Variants in DICER1 observed in about 807,000 individuals in gnomAD.
DICER1 encodes endoribonuclease Dicer.
In DICER1, 43 loss-of-function variants were observed where a neutral mutation model predicts 194.1. That is an observed-to-expected ratio of 0.22 (90% CI 0.17 to 0.29). The LOEUF (loss-of-function observed/expected upper bound fraction) is 0.29, where lower values mean the gene tolerates loss of function less well. Among genes scored for constraint, DICER1 ranks in the 10% least tolerant of loss-of-function variants. The pLI, the probability that DICER1 is intolerant of heterozygous loss-of-function variation, is 1.00. For synonymous variants in DICER1, 832 were observed against 820.5 expected (o/e 1.01, Z -0.24); for missense variants, 1,608 against 2,317.0 (o/e 0.69, Z 6.28).
At chr14:95,122,870 C>T (rs1179988653) in intron 8 of DICER1, among the ~76,000 whole-genome samples, 2 of 151,930 alleles carry the variant, frequency 1.3e-5, no homozygotes, top group African/African-American at 4.8e-5. Flanking sequence ...TTTCTCGTTA[C>T]TCAAAAAAGT....
In DICER1 at chr14:95,086,781, T is replaced by C; in HGVS notation, c.*3717A>G. The C allele has an allele frequency of 4.3e-6, 1 of 232,530 alleles. No individual in the cohort carries two copies. Among genetic ancestry groups the C allele is most frequent in the Non-Finnish European group, 8.5e-6 (1 of 117,642 alleles). 14.4% of individuals were successfully genotyped at this position (232,530 alleles called of 1,614,324 possible). ...TTAAACATATCTTTAAAACTTTTCA[T>C]GTACAATATAAAATAAAGAAATTTA... On this transcript the variant is annotated 3_prime_UTR_variant, in exon 27 of 27. Transcript: ENST00000343455.
At position 95,129,922 on chromosome 14, in the gene DICER1, T is replaced by A. The variant is rs1410061152; in HGVS notation, c.573+136A>T. 17 of 745,548 alleles carry A rather than the reference T, an allele frequency of 2.3e-5. 1 individual carries two copies. Among genetic ancestry groups the A allele is most frequent in the South Asian group, 8.8e-5 (5 of 56,702 alleles). 46.2% of individuals were successfully genotyped at this position (745,548 alleles called of 1,614,324 possible). ...TAGATTTAAATGAACATTAATTTAA[T>A]ATTCATTCATTCATACACTGCAGCC... On this transcript the variant is annotated intron_variant, in intron 5 of 26. Transcript: ENST00000343455.
At chr14:95,143,235 C>A (rs1775068180) in intron 1 of DICER1, among the ~76,000 whole-genome samples, 1 of 152,156 alleles carries the variant, frequency 6.6e-6, no homozygotes, top group African/African-American at 2.4e-5. Context: ...ATTATTTTAA[C>A]TGCAATCACG....
intron 10 of DICER1, 150 bp downstream of exon 10, chr14:95,116,303 T>G: frequency 1.0e-6 from 1 of 991,106 alleles, no homozygotes; most frequent in Non-Finnish European, 1.5e-6. Context: ...ATTCTCAACT[T>G]CCTTACAATG....
rs1046133536 is a variant in DICER1, at chr14:95,110,766, T to C, written c.2256+551A>G. On this transcript the variant is annotated intron_variant, in intron 14 of 26. Coordinates refer to ENST00000343455, the MANE Select transcript of DICER1 (RefSeq NM_177438.3). ...GAAGTTAGATTTAGAGATGCTTTCATGTGTGAACTCTGCTAGGATGCCCAC... is the reference window on the plus strand; with the variant it reads ...GAAGTTAGATTTAGAGATGCTTTCACGTGTGAACTCTGCTAGGATGCCCAC... Among the ~76,000 whole-genome samples the C allele has an allele frequency of 5.3e-5, 8 of 152,228 alleles. No individual in the cohort carries two copies. The South Asian group carries it at 1.7e-3, about 31-fold the overall frequency.
intron 8 of DICER1, among the ~76,000 whole-genome samples, chr14:95,121,810 C>G (rs1263131496): frequency 3.3e-5 from 5 of 152,026 alleles, no homozygotes; most frequent in Admixed American, 2.6e-4. Flanking sequence ...CTTAGAAACC[C>G]CTATGTAAAT....
At chr14:95,113,011 C>A (rs890760767) in intron 12 of DICER1, 81 bp downstream of exon 12, 15 of 1,435,944 alleles carry the variant, frequency 1.0e-5, no homozygotes, top group Non-Finnish European at 1.5e-5. Flanking sequence ...TTACCTATAA[C>A]TTGCAAGTCT....
intron 1 of DICER1, among the ~76,000 whole-genome samples, chr14:95,154,181 C>T (rs1895693775): frequency 1.3e-5 from 2 of 152,148 alleles, no homozygotes; most frequent in South Asian, 2.1e-4. Flanking sequence ...GAACCAAGAT[C>T]GTAAAAAGGA....
chr14:95,091,496 A>ATT, intron 24 of DICER1, 131 bp from the exon 25 acceptor site: 1 of 835,484 alleles, frequency 1.2e-6, no homozygotes, highest in South Asian at 1.4e-5. Flanking sequence ...CATTTATGGT[A>ATT]TGCCTACTAT....
chr14:95,147,584 G>A (rs888222305), intron 1 of DICER1, among the ~76,000 whole-genome samples: 2 of 152,214 alleles, frequency 1.3e-5, no homozygotes, highest in African/African-American at 4.8e-5. Flanking sequence ...TAAAATTTCT[G>A]TGACCAAATG....
intron 1 of DICER1, among the ~76,000 whole-genome samples, chr14:95,156,659 G>C (rs376368484): frequency 6.6e-6 from 1 of 152,248 alleles, no homozygotes; most frequent in East Asian, 1.9e-4. Context: ...ACATCTGAGG[G>C]GAGAGGCAAA....
At chr14:95,138,986 T>TA (rs1289692370) in intron 1 of DICER1, among the ~76,000 whole-genome samples, 123 of 31,658 alleles carry the variant, frequency 3.9e-3, no homozygotes, top group African/African-American at 0.016. Flanking sequence ...TAAAAATAAA[T>TA]AAAAAAATAA....
rs1060504959 is a variant in DICER1 at position 95,099,918 on chromosome 14, C to T, written c.4068G>A (p.Leu1356=). ...GTCCCTTCTTTTTTCCAAGGCGATA[C>T]AGATTACAGTTGCTGACCTTTAGCA... is the stretch of plus-strand genomic sequence containing the variant. ...MRSKKVSNCN[L]YRLGKKKGLP... Residue 1356 remains leucine (L), a synonymous_variant, in exon 22 of 27, where the codon CTG becomes CTA. Transcript: ENST00000343455. 5 of 1,614,066 alleles carry T rather than the reference C, an allele frequency of 3.1e-6. No homozygotes were observed. Among genetic ancestry groups the T allele is most frequent in the Middle Eastern group, 3.3e-4 (2 of 6,060 alleles).
In DICER1 at chr14:95,090,205, G is replaced by T; in HGVS notation, c.*293C>A. 6.9e-6 allele frequency: 3 copies of T among 436,858 alleles called. No homozygotes were observed. Among genetic ancestry groups the T allele is most frequent in the South Asian group, 2.5e-5 (1 of 40,444 alleles). The allele number at this position is 436,858 out of a possible 1,614,324, so 27.1% of individuals were successfully genotyped here. On this transcript the variant is annotated 3_prime_UTR_variant, in exon 27 of 27. Coordinates refer to ENST00000343455, the MANE Select transcript of DICER1 (RefSeq NM_177438.3). ...AAAAACAAAACCTGTCAATTATTTT[G>T]AGCACTTGCTAAATGTCATCATTAA... is the stretch of plus-strand genomic sequence containing the variant.
intron 8 of DICER1, 56 bp from the exon 9 acceptor site, chr14:95,117,810 T>A: frequency 6.3e-7 from 1 of 1,577,056 alleles, no homozygotes. Flanking sequence ...AATAAACTTT[T>A]GTTTTTAAAG....
At chr14:95,152,751 G>A (rs534973730) in intron 1 of DICER1, among the ~76,000 whole-genome samples, 1 of 152,290 alleles carries the variant, frequency 6.6e-6, no homozygotes, top group South Asian at 2.1e-4. Flanking sequence ...TTTTAGATGA[G>A]GAAGCCATTT....
At position 95,103,844 on chromosome 14, in the gene DICER1, G is replaced by A. The variant is rs375535900; in HGVS notation, c.3552C>T (p.Leu1184=). ...AINGLSYNQN[L]ANGSYDLANR... is the part of the protein sequence containing the mutation. Reference sequence around the variant, plus strand: ...TAGCTAAATCATAACTGCCATTGGCGAGATTTTGATTGTAAGAAAGACCAT... The same window carrying A: ...TAGCTAAATCATAACTGCCATTGGCAAGATTTTGATTGTAAGAAAGACCAT... Residue 1184 remains leucine, a synonymous_variant, in exon 21 of 27, where the codon CTC becomes CTT. Coordinates refer to ENST00000343455, the MANE Select transcript of DICER1 (RefSeq NM_177438.3). 1.4e-5 allele frequency: 22 copies of A among 1,614,006 alleles called. No individual in the cohort carries two copies. Among genetic ancestry groups the A allele is most frequent in the Non-Finnish European group, 1.7e-5 (20 of 1,180,048 alleles).
chr14:95,144,640 C>T (rs968879234), intron 1 of DICER1, among the ~76,000 whole-genome samples: 12 of 152,024 alleles, frequency 7.9e-5, no homozygotes, highest in African/African-American at 2.2e-4. Context: ...CCGTAAGATT[C>T]GGCATAGAAA....
At chr14:95,098,832 T>A (rs1890595847) in intron 22 of DICER1, among the ~76,000 whole-genome samples, 1 of 152,156 alleles carries the variant, frequency 6.6e-6, no homozygotes, top group Non-Finnish European at 1.5e-5. Context: ...ATAAGACAAA[T>A]ACTACATGAG....
Sources: allele counts gnomAD v4.1 joint callset (sites outside exome capture counted in the v4.1 genomes callset), GRCh38; gene constraint gnomAD v4.1.1; transcripts MANE v1.5; gene names NCBI Gene and HGNC (gene_info 2026-07-23, HGNC 2026-07-21).